The following BOD1L1 variants were observed in gnomAD, a reference collection of about 807,000 sequenced individuals.
BOD1L1 encodes the protein biorientation of chromosomes in cell division 1 like 1, also known as biorientation of chromosomes in cell division protein 1-like 1.
A neutral mutation model predicts 240.7 loss-of-function variants in BOD1L1; 86 were observed. The ratio of observed to expected loss-of-function variants is 0.36; its 90% CI spans 0.30 to 0.43. BOD1L1 has a LOEUF of 0.43. BOD1L1 is among the 20% of genes least tolerant of loss of function. The probability of loss-of-function intolerance (pLI) is 1.00; values close to 1 mark genes in which losing one functional copy is unlikely to be tolerated. For missense variants in BOD1L1, 3,554 were observed against 3,643.5 expected (o/e 0.98, Z 0.63); for synonymous variants, 1,268 against 1,272.3 (o/e 1.00, Z 0.07).
rs765259272 is a variant in BOD1L1 at position 13,601,093 on chromosome 4, C to T, written c.5807G>A (p.Gly1936Asp). The T allele has an allele frequency of 3.1e-6, 5 of 1,613,896 alleles. No individual in the cohort carries two copies. Among genetic ancestry groups the T allele is most frequent in the Middle Eastern group, 3.3e-4 (2 of 6,062 alleles). The change falls in exon 10 of 26, where the codon GGC (glycine) becomes GAC (aspartate). Residue 1936 changes from glycine (G) to aspartate (D), a missense_variant. By Grantham distance (94) the Gly-to-Asp change is moderately conservative (BLOSUM62 -1). This residue lies in a region of BOD1L1 where 3,393 missense variants were observed against 3,427.1 expected (regional missense o/e 0.99). Coordinates refer to ENST00000040738, the MANE Select transcript of BOD1L1 (RefSeq NM_148894.3). ...TGTGTCTTTACTTCCTTTCTCTGTGCCACTCATGCTGTCAACATTATTTTC... is the reference window on the plus strand; with the variant it reads ...TGTGTCTTTACTTCCTTTCTCTGTGTCACTCATGCTGTCAACATTATTTTC... ...ANENNVDSMS[G>D]TEKGSKDTDI... is the part of the protein sequence containing the mutation.
chr4:13,599,206 G>T lies in BOD1L1; in HGVS notation c.7694C>A (p.Thr2565Asn). Reference protein sequence around the residue: ...EQQGSEDNLKTSTTKCITGQE... With the variant: ...EQQGSEDNLKNSTTKCITGQE... Reference sequence around the variant, plus strand: ...GCCAGTAATACATTTGGTGGTACTGGTTTTCAAGTTGTCTTCAGACCCCTG... The same window carrying T: ...GCCAGTAATACATTTGGTGGTACTGTTTTTCAAGTTGTCTTCAGACCCCTG... The change falls in exon 10 of 26, where the codon ACC (threonine) becomes AAC (asparagine). Residue 2565 changes from threonine to asparagine, a missense_variant. Coordinates refer to ENST00000040738, the MANE Select transcript of BOD1L1 (RefSeq NM_148894.3). 6.2e-7 allele frequency: 1 copy of T among 1,613,910 alleles called. No individual in the cohort carries two copies. Among genetic ancestry groups the T allele is most frequent in the East Asian group, 2.2e-5 (1 of 44,880 alleles).
intron 11 of BOD1L1, among the ~76,000 whole-genome samples, chr4:13,596,804 C>G (rs1714654424): frequency 6.6e-6 from 1 of 152,074 alleles, no homozygotes; most frequent in Admixed American, 6.5e-5. Flanking sequence ...TAGATGGACT[C>G]ATGTTATATT....
intron 22 of BOD1L1, chr4:13,577,906 C>T: frequency 1.3e-5 from 3 of 229,842 alleles, no homozygotes; most frequent in Non-Finnish European, 1.7e-5. Context: ...GATTAGACTA[C>T]TTTTTTTTTT....
intron 5 of BOD1L1, among the ~76,000 whole-genome samples, chr4:13,611,776 G>C (rs10033963): frequency 0.15 from 22,290 of 152,106 alleles, 1,797 homozygotes; most frequent in Middle Eastern, 0.24. Context: ...AAATCCACTG[G>C]AAGTTGTAGT....
Position 13,599,696 on chromosome 4 carries a change from C to T in BOD1L1, c.7204G>A (p.Val2402Met). 6.2e-7 allele frequency: 1 copy of T among 1,613,854 alleles called. No homozygotes were observed. Among genetic ancestry groups the T allele is most frequent in the Non-Finnish European group, 8.5e-7 (1 of 1,179,880 alleles). Reference protein sequence around the residue: ...GGKEPGPVLAVSTEEGHNGPS... With the variant: ...GGKEPGPVLAMSTEEGHNGPS... ...CCGTTGTGCCCCTCCTCGGTGCTCA[C>T]TGCCAACACGGGACCCGGTTCTTTG... The change falls in exon 10 of 26, where the codon GTG becomes ATG. Residue 2402 changes from valine (V) to methionine (M), a missense_variant. Val to Met is a conservative substitution (Grantham distance 21). Transcript: ENST00000040738.
chr4:13,590,502 A>T, intron 13 of BOD1L1, 56 bp from the exon 14 acceptor site: 1 of 887,506 alleles, frequency 1.1e-6, no homozygotes. Context: ...TTTAAAGGCA[A>T]AAAGAAAGAA....
rs114161250 is a variant in BOD1L1 at position 13,589,953 on chromosome 4, C to T, written c.8209+433G>A. 6.9e-3 allele frequency among the ~76,000 whole-genome samples: 1,051 copies of T among 152,300 alleles called. 11 individuals are homozygous for T. Among genetic ancestry groups the T allele is most frequent in the African/African-American group, 0.024 (994 of 41,564 alleles). ...TTCTGTTCAGAGTTGGCAGCCTGCA[C>T]GGGTTGTGTGGCCACCAGACCTCAC... On this transcript the variant is annotated intron_variant, in intron 14 of 25. Coordinates refer to ENST00000040738, the MANE Select transcript of BOD1L1 (RefSeq NM_148894.3).
chr4:13,569,957 T>A lies in BOD1L1; in HGVS notation c.*54A>T, dbSNP rs1371721101. On this transcript the variant is annotated 3_prime_UTR_variant, in exon 26 of 26. Coordinates refer to ENST00000040738, the MANE Select transcript of BOD1L1 (RefSeq NM_148894.3). ...AGAAGCCTATGGCCACCAAGGCATG[T>A]CTCTTTCCTCTCCACCGTGTTCCTC... 2 of 1,332,534 alleles carry A rather than the reference T, an allele frequency of 1.5e-6. No individual in the cohort carries two copies. The highest frequency in any genetic ancestry group is 2.0e-6 in the Non-Finnish European group (2 of 1,001,414). 82.5% of individuals were successfully genotyped at this position (1,332,534 alleles called of 1,614,324 possible).
chr4:13,610,947 C>G lies in BOD1L1; in HGVS notation c.1478G>C (p.Arg493Pro). Residue 493 changes from arginine (R) to proline (P), a missense_variant, in exon 6 of 26, where the codon CGA becomes CCA. Transcript: ENST00000040738. ...AACTGGACTTACAATGGACTGTCGT[C>G]GTTGTTCTACAGTAAGCTCATCATC... ...DSDDELTVEQ[R>P]RQSIAKEKEE... 6.2e-7 allele frequency: 1 copy of G among 1,602,342 alleles called. No individual in the cohort carries two copies. The highest frequency in any genetic ancestry group is 1.1e-5 in the South Asian group (1 of 88,494).
Position 13,627,439 on chromosome 4 carries a change from T to C in BOD1L1, c.149A>G (p.Asp50Gly), listed in dbSNP as rs1717483566. The change falls in exon 1 of 26, where the codon GAC becomes GGC. Residue 50 changes from aspartate (D) to glycine (G), a missense_variant. By Grantham distance (94) the Asp-to-Gly change is moderately conservative. This residue lies in a region of BOD1L1 where 161 missense variants were observed against 216.4 expected (regional missense o/e 0.74). Transcript: ENST00000040738. The stretch of plus-strand genomic sequence containing the variant: ...CACGATCATGGCCACGAGCTGCGGG[T>C]CCCCGGCGCCCGCACCCGCGCCGCC... ...GAGGAGAGAG[D>G]PQLVAMIVNH... 3.8e-6 allele frequency: 5 copies of C among 1,299,266 alleles called. No individual in the cohort carries two copies. Among genetic ancestry groups the C allele is most frequent in the Non-Finnish European group, 4.9e-6 (5 of 1,010,496 alleles). The allele number at this position is 1,299,266 out of a possible 1,614,324, so 80.5% of individuals were successfully genotyped here. A position where few individuals can be genotyped will look rare whatever the true frequency, so the allele number is the denominator to read the frequency against.
Position 13,600,469 on chromosome 4 carries a change from A to G in BOD1L1, c.6431T>C (p.Ile2144Thr). The change falls in exon 10 of 26, where the codon ATT becomes ACT. Residue 2144 changes from isoleucine (I) to threonine (T), a missense_variant. This residue lies in a region of BOD1L1 where 3,393 missense variants were observed against 3,427.1 expected (regional missense o/e 0.99). Transcript: ENST00000040738. ...GAATTCTTCCCCTATGCTTGTGGAA[A>G]TCATGGCACACTCATCTTTCTCTTC... is the stretch of plus-strand genomic sequence containing the variant. ...RSEEKDECAM[I>T]STSIGEEFEL... 6.2e-7 allele frequency: 1 copy of G among 1,613,918 alleles called. No homozygotes were observed. The highest frequency in any genetic ancestry group is 8.5e-7 in the Non-Finnish European group (1 of 1,179,892).
chr4:13,623,037 T>C (rs1450074351), intron 1 of BOD1L1, among the ~76,000 whole-genome samples: 1 of 152,214 alleles, frequency 6.6e-6, no homozygotes, highest in East Asian at 1.9e-4. Flanking sequence ...GACAGCTGCA[T>C]TGCCCCTTCA....
At chr4:13,592,530 C>T (rs1714296700) in intron 12 of BOD1L1, 1 of 152,222 alleles carries the variant, frequency 6.6e-6, no homozygotes, top group Non-Finnish European at 1.5e-5. Flanking sequence ...TGAAATATAA[C>T]TGTGGGAACA....
chr4:13,611,931 G>A (rs1340683022), intron 5 of BOD1L1, among the ~76,000 whole-genome samples: 1 of 152,122 alleles, frequency 6.6e-6, no homozygotes, highest in East Asian at 1.9e-4. Context: ...TTCCTACCAT[G>A]TACTCTTAAA....
rs7679742 is a variant in BOD1L1, at chr4:13,586,566, T to G, written c.8354-91A>C. On this transcript the variant is annotated intron_variant, in intron 16 of 25. Coordinates refer to ENST00000040738, the MANE Select transcript of BOD1L1 (RefSeq NM_148894.3). ...CTATTTTAAGACTGTTTGAGCCTTC[T>G]TTCTTAGGCCTGTGATACAGAGAAG... 3,270 of 766,764 alleles carry G rather than the reference T, an allele frequency of 4.3e-3. 80 individuals carry two copies. The African/African-American group carries it at 0.051, about 12-fold the overall frequency. The allele number at this position is 766,764 out of a possible 1,614,324, so 47.5% of individuals were successfully genotyped here. A position where few individuals can be genotyped will look rare whatever the true frequency, so the allele number is the denominator to read the frequency against.
At chr4:13,614,056 T>G in intron 4 of BOD1L1, 140 bp downstream of exon 4, 1 of 732,852 alleles carries the variant, frequency 1.4e-6, no homozygotes. Context: ...ATTTATTGCT[T>G]TTTTTCTTAA....
intron 5 of BOD1L1, among the ~76,000 whole-genome samples, chr4:13,612,623 G>A (rs1455243173): frequency 6.6e-6 from 1 of 152,182 alleles, no homozygotes; most frequent in African/African-American, 2.4e-5. Context: ...GTATTATAAA[G>A]AATTCAGCCT....
chr4:13,596,318 A>AACACAAC (rs1410765350), intron 11 of BOD1L1, among the ~76,000 whole-genome samples: 1 of 152,084 alleles, frequency 6.6e-6, no homozygotes, highest in Non-Finnish European at 1.5e-5. Flanking sequence ...CTGAGTCTAG[A>AACACAAC]ACACAACATT....
At chr4:13,589,679 G>A (rs1486654252) in intron 14 of BOD1L1, among the ~76,000 whole-genome samples, 5 of 152,112 alleles carry the variant, frequency 3.3e-5, no homozygotes, top group Non-Finnish European at 7.4e-5. Context: ...GGGGTAAATG[G>A]GGATTCCACC....
Sources: gnomAD v4.1 joint callset for allele counts (sites outside exome capture counted in the v4.1 genomes callset) on GRCh38, gnomAD v4.1.1 for gene constraint, gnomAD v4.1.1 regional missense constraint, MANE v1.5 for transcripts, NCBI Gene and HGNC (gene_info 2026-07-23, HGNC 2026-07-21) for gene names.